The following MARCHF3 variants were observed in gnomAD, a reference collection of about 807,000 sequenced individuals.
MARCHF3 encodes the protein membrane associated ring-CH-type finger 3.
MARCHF3 carries 13 observed loss-of-function variants against 24.2 expected under a neutral mutation model. The observed-to-expected ratio is 0.54, with a 90% CI of 0.35 to 0.85. The LOEUF is 0.85. Among genes scored for constraint, MARCHF3 ranks in the 40% least tolerant of loss-of-function variants. The pLI is 0.01. For missense variants in MARCHF3, 276 were observed against 325.0 expected (o/e 0.85, Z 1.16); for synonymous variants, 144 against 137.3 (o/e 1.05, Z -0.34).
At chr5:126,954,429 G>A (rs1444803629) in intron 1 of MARCHF3, among the ~76,000 whole-genome samples, 2 of 151,300 alleles carry the variant, frequency 1.3e-5, no homozygotes, top group South Asian at 2.1e-4. Flanking sequence ...GGAGTGCAGC[G>A]GCATGGCCAT....
rs1752717905 is a variant in MARCHF3 at position 127,019,086 on chromosome 5, A to G, written c.-57+11264T>C. Among the ~76,000 whole-genome samples, 3 of 152,256 alleles carry G rather than the reference A, an allele frequency of 2.0e-5. No individual in the cohort carries two copies. In the South Asian group the frequency reaches 6.2e-4, roughly 32 times the overall value. Reference sequence around the variant, plus strand: ...TAATCTTTTTCATTCAGAAAAGATCATACACTTATTTAGTACAAATAGATA... The same window carrying G: ...TAATCTTTTTCATTCAGAAAAGATCGTACACTTATTTAGTACAAATAGATA... On this transcript the variant is annotated intron_variant, in intron 1 of 4. Transcript: ENST00000308660.
chr5:126,972,100 A>G (rs1032130671), intron 1 of MARCHF3, among the ~76,000 whole-genome samples: 1 of 152,092 alleles, frequency 6.6e-6, no homozygotes, highest in Non-Finnish European at 1.5e-5. Context: ...TCCAAGACCA[A>G]AAGCTGTCAT....
intron 1 of MARCHF3, among the ~76,000 whole-genome samples, chr5:126,975,479 G>A (rs1311772859): frequency 6.6e-6 from 1 of 152,174 alleles, no homozygotes; most frequent in Admixed American, 6.5e-5. Flanking sequence ...TTTCTTTGTA[G>A]TAAAAACATT....
At chr5:127,006,521 C>T (rs2126854399) in intron 1 of MARCHF3, among the ~76,000 whole-genome samples, 1 of 152,164 alleles carries the variant, frequency 6.6e-6, no homozygotes, top group Middle Eastern at 3.4e-3. Flanking sequence ...AAGATGACAC[C>T]TTTATCTTGA....
intron 4 of MARCHF3, among the ~76,000 whole-genome samples, chr5:126,871,034 CTCA>C (rs1752949057): frequency 6.6e-6 from 1 of 152,190 alleles, no homozygotes; most frequent in African/African-American, 2.4e-5. Context: ...TTTGTTCCTC[CTCA>C]TACCGGGTAA....
chr5:126,971,781 T>C (rs1487040987), intron 1 of MARCHF3, among the ~76,000 whole-genome samples: 1 of 152,240 alleles, frequency 6.6e-6, no homozygotes, highest in Non-Finnish European at 1.5e-5. Flanking sequence ...TCACTAGGCT[T>C]CTAAGAAGTT....
At chr5:127,030,213 T>C (rs559509076) in intron 1 of MARCHF3, 137 bp downstream of exon 1, 33 of 152,134 alleles carry the variant, frequency 2.2e-4, no homozygotes, top group African/African-American at 7.5e-4. Context: ...ACGGAGTAAA[T>C]CCCGCCCAGC....
At chr5:126,878,980 T>C (rs1239919350) in intron 3 of MARCHF3, among the ~76,000 whole-genome samples, 1 of 152,254 alleles carries the variant, frequency 6.6e-6, no homozygotes, top group African/African-American at 2.4e-5. Flanking sequence ...ATGTGATTTA[T>C]GGTGAACACC....
At chr5:126,878,009 G>C (rs566100895) in intron 4 of MARCHF3, among the ~76,000 whole-genome samples, 176 bp downstream of exon 4, 1 of 150,480 alleles carries the variant, frequency 6.6e-6, no homozygotes, top group South Asian at 2.1e-4. Flanking sequence ...CACACACACA[G>C]ACAAACACAC....
chr5:127,020,300 GC>G lies in MARCHF3; in HGVS notation c.-57+10049del, dbSNP rs374823561. Among the ~76,000 whole-genome samples the G allele has an allele frequency of 1.5e-4, 23 of 152,330 alleles. No individual in the cohort carries two copies. The East Asian group carries it at 4.2e-3, about 28-fold the overall frequency. On this transcript the variant is annotated intron_variant, in intron 1 of 4. Coordinates refer to ENST00000308660, the MANE Select transcript of MARCHF3 (RefSeq NM_178450.5). Reference sequence around the variant, plus strand: ...CAGGCACAGGCCAGATGTTAAGGAAGCAAAAACAGCTTCACACTGTTTAGGG... The same window carrying G: ...CAGGCACAGGCCAGATGTTAAGGAAGAAAAACAGCTTCACACTGTTTAGGG...
At chr5:126,954,342 C>A (rs1273016543) in intron 1 of MARCHF3, among the ~76,000 whole-genome samples, 1 of 151,806 alleles carries the variant, frequency 6.6e-6, no homozygotes, top group Non-Finnish European at 1.5e-5. Context: ...AGCCACCGTG[C>A]CCGGCCTAAC....
At chr5:126,975,954 T>G (rs1414497730) in intron 1 of MARCHF3, among the ~76,000 whole-genome samples, 1 of 152,178 alleles carries the variant, frequency 6.6e-6, no homozygotes, top group Non-Finnish European at 1.5e-5. Context: ...CCTCTTTGGG[T>G]TTCTTTCACT....
chr5:127,008,750 C>T (rs1752387796), intron 1 of MARCHF3, among the ~76,000 whole-genome samples: 1 of 152,138 alleles, frequency 6.6e-6, no homozygotes, highest in Non-Finnish European at 1.5e-5. Flanking sequence ...CCAGTGTATA[C>T]CACTGCAATC....
intron 3 of MARCHF3, among the ~76,000 whole-genome samples, chr5:126,897,541 A>G (rs1753963240): frequency 6.6e-6 from 1 of 152,254 alleles, no homozygotes; most frequent in Admixed American, 6.6e-5. Flanking sequence ...AATGGGCTTA[A>G]AGGAAGGAGA....
At chr5:126,944,460 A>C (rs1379880120) in intron 1 of MARCHF3, among the ~76,000 whole-genome samples, 1 of 152,158 alleles carries the variant, frequency 6.6e-6, no homozygotes, top group Non-Finnish European at 1.5e-5. Context: ...TTATCCAGGC[A>C]TGGTTGTACA....
chr5:127,018,769 T>G (rs187573571), intron 1 of MARCHF3, among the ~76,000 whole-genome samples: 15 of 152,326 alleles, frequency 9.8e-5, no homozygotes, highest in Admixed American at 6.5e-4. Context: ...GTCTTGGGAT[T>G]GTCTTCCAAG....
At chr5:126,958,124 T>C (rs759179221) in intron 1 of MARCHF3, among the ~76,000 whole-genome samples, 5 of 152,142 alleles carry the variant, frequency 3.3e-5, no homozygotes, top group Non-Finnish European at 5.9e-5. Context: ...TTTGTGTTGA[T>C]TCTTTTAAGT....
chr5:126,883,182 T>C (rs1753396781), intron 3 of MARCHF3, among the ~76,000 whole-genome samples: 1 of 152,256 alleles, frequency 6.6e-6, no homozygotes, highest in Non-Finnish European at 1.5e-5. Flanking sequence ...AGTTTGACCT[T>C]AGTCTTCAGC....
In MARCHF3 at chr5:126,917,636, C is replaced by A. The variant is rs189283036; in HGVS notation, c.188+348G>T. Among the ~76,000 whole-genome samples, 371 of 152,296 alleles carry A rather than the reference C, an allele frequency of 2.4e-3. 6 individuals are homozygous for A. The South Asian group carries it at 0.026, about 10-fold the overall frequency. On this transcript the variant is annotated intron_variant, in intron 2 of 4. Coordinates refer to ENST00000308660, the MANE Select transcript of MARCHF3 (RefSeq NM_178450.5). ...TGACTCAGTCGCCTGAAATCAGATACCTTCTTAATCCTGTTCCAATAGGAC... is the reference window on the plus strand; with the variant it reads ...TGACTCAGTCGCCTGAAATCAGATAACTTCTTAATCCTGTTCCAATAGGAC...
Sources: gnomAD v4.1 joint callset for allele counts (sites outside exome capture counted in the v4.1 genomes callset) on GRCh38, gnomAD v4.1.1 for gene constraint, MANE v1.5 for transcripts, NCBI Gene and HGNC (gene_info 2026-07-23, HGNC 2026-07-21) for gene names.